URB1: variants seen among roughly 807,000 people sequenced by gnomAD.
The protein encoded by URB1 is URB1 ribosome biogenesis factor.
Under a neutral mutation model 242.3 loss-of-function variants are expected in URB1, and 197 were observed. The observed-to-expected ratio is 0.81, with a 90% CI of 0.72 to 0.91. URB1 has a LOEUF of 0.91. Among genes scored for constraint, URB1 ranks in the 40% least tolerant of loss-of-function variants. The pLI, the probability that URB1 is intolerant of heterozygous loss-of-function variation, is 0.00. For missense variants in URB1, 2,721 were observed against 2,860.5 expected (o/e 0.95, Z 1.11); for synonymous variants, 1,153 against 1,201.8 (o/e 0.96, Z 0.84).
intron 25 of URB1, among the ~76,000 whole-genome samples, chr21:32,339,845 G>C (rs2033008295): frequency 6.6e-6 from 1 of 152,146 alleles, no homozygotes; most frequent in Non-Finnish European, 1.5e-5. Flanking sequence ...CTGCTTAGTG[G>C]AAACGCCAGG....
intron 38 of URB1, among the ~76,000 whole-genome samples, chr21:32,316,068 C>T (rs1304791461): frequency 1.3e-5 from 2 of 152,256 alleles, no homozygotes; most frequent in Admixed American, 6.6e-5. Context: ...CACGCGCATG[C>T]ACATGCACAT....
chr21:32,362,114 A>T, intron 11 of URB1, 93 bp from the exon 12 acceptor site: 1 of 1,470,662 alleles, frequency 6.8e-7, no homozygotes. Flanking sequence ...AAAAACAGGG[A>T]GGGGGGTGCG....
At chr21:32,392,648 A>C in intron 1 of URB1, 121 bp downstream of exon 1, 1 of 1,256,450 alleles carries the variant, frequency 8.0e-7, no homozygotes. Context: ...TCTGCAAACC[A>C]GAGGCTTGCC....
rs577096792 is a variant in URB1 at position 32,368,494 on chromosome 21, T to A, written c.1106A>T (p.Asp369Val). The A allele has an allele frequency of 1.2e-4, 189 of 1,551,872 alleles. 1 individual carries two copies. The South Asian group carries it at 2.1e-3, about 17-fold the overall frequency. ...TTCCTTGAAGTATTTGTTCAGTAAGTCCGGGCACACTTTGAGGATGTTTAC... is the reference window on the plus strand; with the variant it reads ...TTCCTTGAAGTATTTGTTCAGTAAGACCGGGCACACTTTGAGGATGTTTAC... ...LVVNILKVCP[D>V]LLNKYFKEVT... The change falls in exon 9 of 39, where the codon GAC becomes GTC. Residue 369 changes from aspartate to valine, a missense_variant. Coordinates refer to ENST00000382751, the MANE Select transcript of URB1 (RefSeq NM_014825.3).
intron 15 of URB1, among the ~76,000 whole-genome samples, chr21:32,357,262 C>G (rs1246157111): frequency 6.8e-6 from 1 of 146,290 alleles, no homozygotes; most frequent in Non-Finnish European, 1.5e-5. Context: ...TAATAAACAC[C>G]AAGAAGCCAA....
chr21:32,377,452 G>A, intron 5 of URB1: 1 of 361,442 alleles, frequency 2.8e-6, no homozygotes, highest in South Asian at 2.0e-5. Context: ...CCAGACAGCT[G>A]AAATGGCCCA....
At chr21:32,384,539 T>C in intron 2 of URB1, 75 bp from the exon 3 acceptor site, 1 of 1,488,164 alleles carries the variant, frequency 6.7e-7, no homozygotes, top group South Asian at 1.3e-5. Context: ...TCCTTTTGTC[T>C]TAGCCATAGT....
At chr21:32,349,563 T>C (rs2033132800) in intron 20 of URB1, 80 bp from the exon 21 acceptor site, 2 of 1,422,152 alleles carry the variant, frequency 1.4e-6, no homozygotes, top group African/African-American at 2.9e-5. Flanking sequence ...GGGCCCGTGT[T>C]TTCAGAGCAG....
At chr21:32,382,681 A>G (rs1050986503) in intron 4 of URB1, among the ~76,000 whole-genome samples, 1 of 152,070 alleles carries the variant, frequency 6.6e-6, no homozygotes, top group African/African-American at 2.4e-5. Flanking sequence ...AGGGCTGTTC[A>G]CAGCACTGAA....
At position 32,352,861 on chromosome 21, in the gene URB1, AG is replaced by A; in HGVS notation, c.2461del (p.Leu821SerfsTer221). On this transcript the variant is annotated frameshift_variant, in exon 19 of 39. Coordinates refer to ENST00000382751, the MANE Select transcript of URB1 (RefSeq NM_014825.3). LOFTEE classifies it high-confidence loss of function. ...AGCCAGGGGGTCCCTCTGGGTGTGG[AG>A]GAGGTCAGTCAGCACTGCCGTCAGA... ...TYLTAVLTDL[L>X]HTQRDPLALC... The A allele has an allele frequency of 6.4e-7, 1 of 1,551,582 alleles. No homozygotes were observed. The highest frequency in any genetic ancestry group is 8.7e-7 in the Non-Finnish European group (1 of 1,146,952).
chr21:32,393,003 C>A lies in URB1; in HGVS notation c.-93G>T. On this transcript the variant is annotated 5_prime_UTR_variant, in exon 1 of 39. An upstream start codon of the reference 5' UTR is lost. Transcript: ENST00000382751. Reference sequence around the variant, plus strand: ...ACAGCAGACACGCGCTTCAGGCCCACATGGCGCAGGAAGAGGCGGGGCTGG... The same window carrying A: ...ACAGCAGACACGCGCTTCAGGCCCAAATGGCGCAGGAAGAGGCGGGGCTGG... 1 of 1,386,486 alleles carries A rather than the reference C, an allele frequency of 7.2e-7. No homozygotes were observed. Among genetic ancestry groups the A allele is most frequent in the Non-Finnish European group, 9.4e-7 (1 of 1,063,574 alleles). The allele number at this position is 1,386,486 out of a possible 1,614,324, so 85.9% of individuals were successfully genotyped here.
chr21:32,372,356 C>A (rs951044247), intron 8 of URB1, 151 bp downstream of exon 8: 18 of 1,073,622 alleles, frequency 1.7e-5, no homozygotes, highest in Non-Finnish European at 6.3e-6. Context: ...AGGAGAAGTT[C>A]TCTGGGACTA....
chr21:32,383,355 A>T, intron 4 of URB1, 67 bp downstream of exon 4: 1 of 1,485,804 alleles, frequency 6.7e-7, no homozygotes, highest in Non-Finnish European at 9.0e-7. Flanking sequence ...AGAATGGAGG[A>T]AAAACCACTA....
At chr21:32,377,587 T>C (rs2033473785) in intron 5 of URB1, among the ~76,000 whole-genome samples, 1 of 151,888 alleles carries the variant, frequency 6.6e-6, no homozygotes. Flanking sequence ...TCCACTCTCA[T>C]GCTGCTCCAC....
At chr21:32,388,600 A>G (rs2033607675) in intron 1 of URB1, among the ~76,000 whole-genome samples, 2 of 152,230 alleles carry the variant, frequency 1.3e-5, no homozygotes, top group Non-Finnish European at 2.9e-5. Context: ...TGAGCAGGCC[A>G]TGGGTGTTCT....
rs144743552 is a variant in URB1 at position 32,348,351 on chromosome 21, A to G, written c.3013-540T>C. On this transcript the variant is annotated intron_variant, in intron 21 of 38. Coordinates refer to ENST00000382751, the MANE Select transcript of URB1 (RefSeq NM_014825.3). ...TGTCCGGGGAAAGTGGGTTGGGATT[A>G]AACCACCGTGTGTCTACGATCCTGA... is the stretch of plus-strand genomic sequence containing the variant. Among the ~76,000 whole-genome samples, 454 of 152,234 alleles carry G rather than the reference A, an allele frequency of 3.0e-3. 3 individuals are homozygous for G. The highest frequency in any genetic ancestry group is 9.1e-3 in the African/African-American group (380 of 41,548).
In URB1 at chr21:32,350,796, C is replaced by G; in HGVS notation, c.2740G>C (p.Ala914Pro). 1 of 1,551,494 alleles carries G rather than the reference C, an allele frequency of 6.4e-7. No homozygotes were observed. The highest frequency in any genetic ancestry group is 1.2e-5 in the South Asian group (1 of 84,040). The change falls in exon 20 of 39, where the codon GCC becomes CCC. Residue 914 changes from alanine to proline, a missense_variant. Physicochemically the swap from Ala to Pro is conservative, Grantham distance 27. Transcript: ENST00000382751. The stretch of plus-strand genomic sequence containing the variant: ...TGCATGGACAGGTGTGGCATGGTGG[C>G]CTGCAGCTGCACCTGGATGTGCTCG... ...RDEHIQVQLQ[A>P]TMPHLSMQQV... is the part of the protein sequence containing the mutation.
At chr21:32,353,580 A>C (rs1441276650) in intron 18 of URB1, among the ~76,000 whole-genome samples, 1 of 152,244 alleles carries the variant, frequency 6.6e-6, no homozygotes, top group Non-Finnish European at 1.5e-5. Flanking sequence ...CTTGGGTCTA[A>C]GTTGCCTGGA....
chr21:32,322,335 G>A, intron 33 of URB1, 143 bp downstream of exon 33: 1 of 737,618 alleles, frequency 1.4e-6, no homozygotes, highest in Non-Finnish European at 2.3e-6. Context: ...ACATTCCGAA[G>A]TGCAGGCCTG....
Sources: allele counts gnomAD v4.1 joint callset (sites outside exome capture counted in the v4.1 genomes callset), GRCh38; gene constraint gnomAD v4.1.1; transcripts MANE v1.5; gene names NCBI Gene and HGNC (gene_info 2026-07-23, HGNC 2026-07-21).